CFAP77: variants seen among roughly 807,000 people sequenced by gnomAD.
CFAP77 encodes cilia and flagella associated protein 77, also known as cilia- and flagella-associated protein 77.
In CFAP77, 25 loss-of-function variants were observed where a neutral mutation model predicts 31.1. That is an observed-to-expected ratio of 0.80 (90% CI 0.59 to 1.12). The LOEUF is 1.12. Among genes scored for constraint, CFAP77 ranks in the 50% most tolerant of loss-of-function variants. CFAP77 has a pLI of 0.00. For synonymous variants in CFAP77, 151 were observed against 159.9 expected, an observed-to-expected ratio of 0.94 and a Z score of 0.42; for missense variants, 377 against 397.3, an observed-to-expected ratio of 0.95 and a Z score of 0.44.
intron 3 of CFAP77, among the ~76,000 whole-genome samples, chr9:132,521,762 CTTTTTTTTTTT>C (rs774087426): frequency 1.6e-5 from 1 of 62,562 alleles, no homozygotes; most frequent in African/African-American, 7.6e-5. Flanking sequence ...AATAGACTTG[CTTTTTTTTTTT>C]TTTTTTTTTT....
At chr9:132,555,859 G>A (rs999049089) in intron 5 of CFAP77, among the ~76,000 whole-genome samples, 1 of 152,024 alleles carries the variant, frequency 6.6e-6, no homozygotes, top group African/African-American at 2.4e-5. Flanking sequence ...CAAACATATA[G>A]ACCTGAGATC....
intron 1 of CFAP77, among the ~76,000 whole-genome samples, chr9:132,462,273 G>C (rs1393022188): frequency 2.0e-5 from 3 of 151,410 alleles, no homozygotes; most frequent in Non-Finnish European, 2.9e-5. Context: ...AGTTACTCTG[G>C]AATAATTCTA....
At chr9:132,572,222 G>A (rs778457576) in intron 5 of CFAP77, among the ~76,000 whole-genome samples, 166 bp from the exon 6 acceptor site, 2 of 151,936 alleles carry the variant, frequency 1.3e-5, no homozygotes, top group Non-Finnish European at 2.9e-5. Flanking sequence ...TCTCTGCCTC[G>A]TGGCTCAGCA....
At chr9:132,429,622 A>G (rs1036657764) in intron 1 of CFAP77, among the ~76,000 whole-genome samples, 3 of 147,210 alleles carry the variant, frequency 2.0e-5, no homozygotes, top group African/African-American at 7.6e-5. Context: ...AGGCGGGTGG[A>G]TCACAAGGTC....
intron 1 of CFAP77, among the ~76,000 whole-genome samples, chr9:132,458,637 C>A (rs1850972679): frequency 7.4e-6 from 1 of 135,624 alleles, no homozygotes; most frequent in Non-Finnish European, 1.6e-5. Context: ...AGCTCTCCCT[C>A]CTGTGTCCAG....
At position 132,545,989 on chromosome 9, in the gene CFAP77, TGCTC is replaced by T. The variant is rs1264720526; in HGVS notation, c.732+2943_732+2946del. 6.6e-6 allele frequency among the ~76,000 whole-genome samples: 1 copy of T among 152,216 alleles called. No individual in the cohort carries two copies. The highest frequency in any genetic ancestry group is 6.5e-5 in the Admixed American group (1 of 15,278). On this transcript the variant is annotated intron_variant, in intron 5 of 5. Transcript: ENST00000393216. This position sits in a 1 kb window ranked among gnomAD's most constrained non-coding sequence, Gnocchi z 4.6. ...ATTAACTGGGCAATTTTTTTCATCT[TGCTC>T]AGTAAAATGTGAGCCCCCCAGGACC...
intron 3 of CFAP77, among the ~76,000 whole-genome samples, chr9:132,536,347 G>C (rs2119051917): frequency 6.6e-6 from 1 of 151,672 alleles, no homozygotes; most frequent in Admixed American, 6.6e-5. Context: ...GTACAAAATG[G>C]GCTGGTTTCC....
chr9:132,452,057 T>C (rs1055121250), intron 1 of CFAP77, among the ~76,000 whole-genome samples: 2 of 152,080 alleles, frequency 1.3e-5, no homozygotes, highest in African/African-American at 4.8e-5. Context: ...CCTGTCTCGG[T>C]CTCCCAAAGT....
intron 1 of CFAP77, among the ~76,000 whole-genome samples, chr9:132,432,369 A>G (rs906685387): frequency 6.6e-6 from 1 of 152,002 alleles, no homozygotes; most frequent in Non-Finnish European, 1.5e-5. Flanking sequence ...CCAGGAACCC[A>G]TATTTGAGAA....
At chr9:132,513,539 C>G in intron 3 of CFAP77, 1 of 606,848 alleles carries the variant, frequency 1.6e-6, no homozygotes. Flanking sequence ...ATCCATAAAT[C>G]ATAGGGACTA....
chr9:132,424,357 G>A lies in CFAP77; in HGVS notation c.195+13891G>A, dbSNP rs566989787. 2.8e-4 allele frequency among the ~76,000 whole-genome samples: 42 copies of A among 152,176 alleles called. 1 individual carries two copies. The highest frequency in any genetic ancestry group is 2.3e-3 in the Admixed American group (35 of 15,292). ...GCAGAAGTTGCAGTGGGCTGAGATC[G>A]TGCCACTGCACTCCAGCCTGGGCGA... On this transcript the variant is annotated intron_variant, in intron 1 of 5. Transcript: ENST00000393216. The surrounding 1 kb of genome is among the most constrained non-coding windows in gnomAD (Gnocchi z 4.1).
In CFAP77 at chr9:132,490,125, G is replaced by T. The variant is rs184994855; in HGVS notation, c.196-8570G>T. Among the ~76,000 whole-genome samples the T allele has an allele frequency of 2.6e-5, 4 of 152,068 alleles. No individual in the cohort carries two copies. In the East Asian group the frequency reaches 7.7e-4, roughly 29 times the overall value. ...AATGCCGTATCCTCGCATGACAGAC[G>T]GACAGAAGGGGATAAAAAGGGCGAA... On this transcript the variant is annotated intron_variant, in intron 1 of 5. Coordinates refer to ENST00000393216, the MANE Select transcript of CFAP77 (RefSeq NM_001282957.2). The surrounding 1 kb of genome is among the most constrained non-coding windows in gnomAD (Gnocchi z 4.6).
intron 3 of CFAP77, among the ~76,000 whole-genome samples, chr9:132,518,211 A>G (rs1852183213): frequency 6.6e-6 from 1 of 152,038 alleles, no homozygotes; most frequent in African/African-American, 2.4e-5. Flanking sequence ...AGACCCCTGG[A>G]TGGGGCCCAG....
In CFAP77 at chr9:132,565,381, G is replaced by A. The variant is rs896773442; in HGVS notation, c.733-7007G>A. ...GCCGTGGCTCACGCCTGTAATCCCA[G>A]CACTTTGGGAGGCCGAGGTGAGTGG... On this transcript the variant is annotated intron_variant, in intron 5 of 5. Transcript: ENST00000393216. This position sits in a 1 kb window ranked among gnomAD's most constrained non-coding sequence, Gnocchi z 4.1. Among the ~76,000 whole-genome samples the A allele has an allele frequency of 5.9e-5, 9 of 152,216 alleles. No individual in the cohort carries two copies. The highest frequency in any genetic ancestry group is 2.6e-4 in the Admixed American group (4 of 15,282).
At chr9:132,514,720 T>A (rs1263363482) in intron 3 of CFAP77, among the ~76,000 whole-genome samples, 1 of 152,162 alleles carries the variant, frequency 6.6e-6, no homozygotes, top group Non-Finnish European at 1.5e-5. Flanking sequence ...TAACCAAGCC[T>A]CCCGGCGTCA....
rs754054268 is a variant in CFAP77 at position 132,572,485 on chromosome 9, G to A, written c.830G>A (p.Arg277Gln). The A allele has an allele frequency of 7.5e-6, 12 of 1,608,404 alleles. No individual in the cohort carries two copies. The highest frequency in any genetic ancestry group is 9.3e-6 in the Non-Finnish European group (11 of 1,179,826). The change falls in exon 6 of 6, where the codon CGG (arginine) becomes CAG (glutamine). Residue 277 changes from arginine (R) to glutamine (Q), a missense_variant. By Grantham distance (43) the Arg-to-Gln change is conservative. Transcript: ENST00000393216. ...EECAVRQGTL[R>Q]MGNYTHP ...TGTGCCGTGCGCCAGGGGACCCTGC[G>A]GATGGGCAACTACACCCACCCCTAG...
chr9:132,422,834 CA>C (rs1342741045), intron 1 of CFAP77, among the ~76,000 whole-genome samples: 2 of 152,224 alleles, frequency 1.3e-5, no homozygotes. Context: ...CTCCCAGTGG[CA>C]GCGTGCTGCG....
intron 5 of CFAP77, among the ~76,000 whole-genome samples, chr9:132,568,178 C>CT (rs1163822276): frequency 6.6e-6 from 1 of 152,148 alleles, no homozygotes; most frequent in East Asian, 1.9e-4. Flanking sequence ...ATGGGAGCTG[C>CT]TATTCAAGGG....
rs903642844 is a variant in CFAP77 at position 132,480,700 on chromosome 9, C to T, written c.196-17995C>T. 4.6e-5 allele frequency among the ~76,000 whole-genome samples: 7 copies of T among 152,138 alleles called. No individual in the cohort carries two copies. Among genetic ancestry groups the T allele is most frequent in the South Asian group, 2.1e-4 (1 of 4,826 alleles). ...GGTTTCTCACGGAGGCTACAGAGTC[C>T]GGGGGCTTCTCCAAGGTGGTGACAT... On this transcript the variant is annotated intron_variant, in intron 1 of 5. Coordinates refer to ENST00000393216, the MANE Select transcript of CFAP77 (RefSeq NM_001282957.2). The surrounding 1 kb of genome is among the most constrained non-coding windows in gnomAD (Gnocchi z 5.8).
Sources: gnomAD v4.1 joint callset for allele counts (sites outside exome capture counted in the v4.1 genomes callset) on GRCh38, gnomAD v4.1.1 for gene constraint, Gnocchi (gnomAD v3.1) non-coding constraint, MANE v1.5 for transcripts, NCBI Gene and HGNC (gene_info 2026-07-23, HGNC 2026-07-21) for gene names.